EPB41L5: variants seen among roughly 807,000 people sequenced by gnomAD.
EPB41L5 encodes erythrocyte membrane protein band 4.1 like 5.
Under a neutral mutation model 106.6 loss-of-function variants are expected in EPB41L5, and 55 were observed. That is an observed-to-expected ratio of 0.52 (90% CI 0.42 to 0.65). The LOEUF is 0.65. Among genes scored for constraint, EPB41L5 ranks in the 30% least tolerant of loss-of-function variants. EPB41L5 has a pLI of 0.00. For synonymous variants in EPB41L5, 297 were observed against 306.7 expected (o/e 0.97, Z 0.33); for missense variants, 871 against 882.1 (o/e 0.99, Z 0.16).
chr2:120,017,442 G>A (rs1175976991), intron 1 of EPB41L5, among the ~76,000 whole-genome samples: 1 of 152,104 alleles, frequency 6.6e-6, no homozygotes, highest in Non-Finnish European at 1.5e-5. Flanking sequence ...GTTTTCTTTG[G>A]AATTAATAGT....
chr2:120,155,801 A>T (rs75230642), intron 20 of EPB41L5, among the ~76,000 whole-genome samples: 4 of 139,572 alleles, frequency 2.9e-5, no homozygotes, highest in East Asian at 2.0e-4. Flanking sequence ...TTTTTTTATT[A>T]AAAAAAAAAA....
At chr2:120,160,795 C>A in intron 20 of EPB41L5, 86 bp from the exon 21 acceptor site, 1 of 889,242 alleles carries the variant, frequency 1.1e-6, no homozygotes, top group Non-Finnish European at 1.8e-6. Flanking sequence ...GAATTTGTTG[C>A]ACTTCTTTCC....
chr2:120,090,321 C>A (rs1375021172), intron 11 of EPB41L5, 26 bp from the exon 12 acceptor site: 1 of 1,554,374 alleles, frequency 6.4e-7, no homozygotes, highest in South Asian at 1.2e-5. Flanking sequence ...AGTAATCATC[C>A]TTTTATATAT....
chr2:120,032,736 G>T lies in EPB41L5; in HGVS notation c.181-9270G>T, dbSNP rs73948995. Among the ~76,000 whole-genome samples the T allele has an allele frequency of 7.6e-3, 1,164 of 152,268 alleles. 12 individuals carry two copies. The highest frequency in any genetic ancestry group is 0.027 in the African/African-American group (1,104 of 41,546). On this transcript the variant is annotated intron_variant, in intron 2 of 24. Transcript: ENST00000263713. ...GGTTTTGAATATAGAATCTTCTGAA[G>T]CCTTTAATACGTGAGGCAGAATGAA...
At chr2:120,165,682 A>G (rs964197660) in intron 22 of EPB41L5, among the ~76,000 whole-genome samples, 1 of 152,090 alleles carries the variant, frequency 6.6e-6, no homozygotes, top group African/African-American at 2.4e-5. Flanking sequence ...GAAATGACTA[A>G]CTTTGCTGGA....
chr2:120,081,097 A>C (rs976779381), intron 10 of EPB41L5, among the ~76,000 whole-genome samples: 4 of 152,034 alleles, frequency 2.6e-5, no homozygotes, highest in Non-Finnish European at 2.9e-5. Flanking sequence ...TGCTGTGCAG[A>C]AGCTCTTTAG....
At chr2:120,044,516 G>A (rs1410860111) in intron 3 of EPB41L5, among the ~76,000 whole-genome samples, 1 of 152,146 alleles carries the variant, frequency 6.6e-6, no homozygotes, top group Non-Finnish European at 1.5e-5. Context: ...TAAACAATCT[G>A]TGACTTCCTG....
chr2:120,155,901 ATTT>A (rs1204781185), intron 20 of EPB41L5, among the ~76,000 whole-genome samples: 1 of 152,062 alleles, frequency 6.6e-6, no homozygotes, highest in African/African-American at 2.4e-5. Context: ...GGATGAGTGA[ATTT>A]AACTGGCAAG....
At chr2:120,110,577 C>CAG (rs1684677727) in intron 16 of EPB41L5, among the ~76,000 whole-genome samples, 1 of 151,454 alleles carries the variant, frequency 6.6e-6, no homozygotes, top group African/African-American at 2.4e-5. Context: ...GTTCAGCTTA[C>CAG]AGAACAGTTT....
At chr2:120,073,032 CTT>C in intron 3 of EPB41L5, 144 bp from the exon 4 acceptor site, 1 of 650,442 alleles carries the variant, frequency 1.5e-6, no homozygotes, top group Non-Finnish European at 2.6e-6. Context: ...CTTCTCACCT[CTT>C]TTCTCATTCA....
Position 120,167,466 on chromosome 2 carries a change from G to T in EPB41L5, c.1963G>T (p.Val655Leu), listed in dbSNP as rs1418571752. Residue 655 changes from valine (V) to leucine (L), a missense_variant and splice_region_variant, in exon 23 of 25, where the codon GTG (valine) becomes TTG (leucine). Physicochemically the swap from Val to Leu is conservative, Grantham distance 32 (BLOSUM62 1). Transcript: ENST00000263713. ...NLIDHTVAPQ[V>L]SSTSMITPRW... ...ATACATACATATAAAATTATTTCAGGTGTCTTCCACATCCATGATCACACC... is the reference window on the plus strand; with the variant it reads ...ATACATACATATAAAATTATTTCAGTTGTCTTCCACATCCATGATCACACC... The T allele has an allele frequency of 3.7e-6, 6 of 1,612,648 alleles. No homozygotes were observed. Among genetic ancestry groups the T allele is most frequent in the Non-Finnish European group, 5.1e-6 (6 of 1,178,830 alleles).
intron 3 of EPB41L5, among the ~76,000 whole-genome samples, chr2:120,044,387 G>C (rs1005901833): frequency 2.6e-5 from 4 of 152,076 alleles, no homozygotes; most frequent in Admixed American, 1.3e-4. Context: ...TTTAATTCTA[G>C]ACTTCTGTTT....
At chr2:120,132,596 T>C (rs1305289181) in intron 18 of EPB41L5, among the ~76,000 whole-genome samples, 1 of 152,206 alleles carries the variant, frequency 6.6e-6, no homozygotes, top group East Asian at 1.9e-4. Context: ...TTCTTTCTAA[T>C]ACATTTTTTA....
intron 3 of EPB41L5, among the ~76,000 whole-genome samples, chr2:120,066,896 T>C (rs1681480116): frequency 6.6e-6 from 1 of 152,224 alleles, no homozygotes; most frequent in Admixed American, 6.5e-5. Flanking sequence ...GGATATTGGA[T>C]TTCTGGGCTG....
chr2:120,041,527 C>T (rs921802299), intron 2 of EPB41L5, among the ~76,000 whole-genome samples: 4 of 152,134 alleles, frequency 2.6e-5, no homozygotes, highest in Non-Finnish European at 5.9e-5. Context: ...ACGTTCTCTT[C>T]CAGTTTGATT....
At chr2:120,127,881 A>T in intron 17 of EPB41L5, 30 bp downstream of exon 17, 1 of 1,503,070 alleles carries the variant, frequency 6.7e-7, no homozygotes, top group African/African-American at 1.4e-5. Context: ...TACATCAGTG[A>T]TACCTTTTTA....
chr2:120,053,339 C>A (rs1680414942), intron 3 of EPB41L5, among the ~76,000 whole-genome samples: 1 of 151,868 alleles, frequency 6.6e-6, no homozygotes, highest in South Asian at 2.1e-4. Flanking sequence ...GTAAAGTAGG[C>A]CACTTAAAAA....
At chr2:120,016,153 G>A (rs1356399940) in intron 1 of EPB41L5, among the ~76,000 whole-genome samples, 1 of 152,052 alleles carries the variant, frequency 6.6e-6, no homozygotes, top group Non-Finnish European at 1.5e-5. Flanking sequence ...GTATTGGTCC[G>A]GCGAGGTGGC....
intron 3 of EPB41L5, among the ~76,000 whole-genome samples, chr2:120,051,638 G>A (rs998141889): frequency 2.8e-4 from 42 of 152,298 alleles, no homozygotes; most frequent in African/African-American, 9.1e-4. Flanking sequence ...GACTCCTTGC[G>A]CTTCCCGGGT....
Sources: gnomAD v4.1 joint callset for allele counts (sites outside exome capture counted in the v4.1 genomes callset) on GRCh38, gnomAD v4.1.1 for gene constraint, MANE v1.5 for transcripts, NCBI Gene and HGNC (gene_info 2026-07-23, HGNC 2026-07-21) for gene names.